Variants in EML1 observed in about 807,000 individuals in gnomAD.
EML1 encodes the protein EMAP like 1, also known as echinoderm microtubule-associated protein-like 1.
Under a neutral mutation model 110.4 loss-of-function variants are expected in EML1, and 27 were observed. That is an observed-to-expected ratio of 0.24 (90% CI 0.18 to 0.34). The LOEUF (loss-of-function observed/expected upper bound fraction) is 0.34, where lower values mean the gene tolerates loss of function less well. Among genes scored for constraint, EML1 ranks in the 10% least tolerant of loss-of-function variants. EML1 has a pLI of 1.00. For missense variants in EML1, 741 were observed against 1,030.9 expected, an observed-to-expected ratio of 0.72 and a Z score of 3.85; for synonymous variants, 344 against 385.8, an observed-to-expected ratio of 0.89 and a Z score of 1.27.
rs560700900 is a variant in EML1 at position 99,848,718 on chromosome 14, C to T, written c.68-2135C>T. Among the ~76,000 whole-genome samples, 13 of 152,284 alleles carry T rather than the reference C, an allele frequency of 8.5e-5. No individual in the cohort carries two copies. In the East Asian group the frequency reaches 1.7e-3, roughly 20 times the overall value. On this transcript the variant is annotated intron_variant, in intron 1 of 21. Transcript: ENST00000262233. ...CAGTGGCTAACACCTGTAATCCCAG[C>T]ACTTTGGGAGGGTGAAGCAGGATCA...
intron 1 of EML1, among the ~76,000 whole-genome samples, chr14:99,761,134 C>T (rs941679403): frequency 2.0e-5 from 3 of 152,120 alleles, no homozygotes; most frequent in African/African-American, 4.8e-5. Context: ...CCCACCTTAC[C>T]GATGAGAAAA....
intron 1 of EML1, among the ~76,000 whole-genome samples, chr14:99,837,114 C>G (rs1021367496): frequency 6.6e-6 from 1 of 151,390 alleles, no homozygotes; most frequent in Non-Finnish European, 1.5e-5. Context: ...TTCCAGATCT[C>G]TGAAGTTTTT....
chr14:99,845,524 T>C (rs554596541), intron 1 of EML1, among the ~76,000 whole-genome samples: 49 of 152,352 alleles, frequency 3.2e-4, no homozygotes, highest in African/African-American at 1.1e-3. Context: ...TATTTAGTTC[T>C]AGGAGAGGAG....
intron 1 of EML1, among the ~76,000 whole-genome samples, chr14:99,818,461 A>G (rs76665415): frequency 0.041 from 6,312 of 152,270 alleles, 169 homozygotes; most frequent in Non-Finnish European, 0.056. Context: ...GGCAAAAAAT[A>G]TGGAATCAGT....
At chr14:99,737,996 G>T (rs1034907761) in intron 1 of EML1, 15 of 927,924 alleles carry the variant, frequency 1.6e-5, no homozygotes, top group East Asian at 1.3e-4. Context: ...CCGACGCCTG[G>T]GGGGCCTGTG....
intron 1 of EML1, among the ~76,000 whole-genome samples, chr14:99,823,937 A>G (rs1480858504): frequency 6.6e-6 from 1 of 151,992 alleles, no homozygotes; most frequent in Admixed American, 6.6e-5. Context: ...GGCCCCAAGG[A>G]CTTTCCCATG....
At chr14:99,751,922 A>G (rs772219622) in intron 1 of EML1, among the ~76,000 whole-genome samples, 16 of 152,150 alleles carry the variant, frequency 1.1e-4, no homozygotes, top group Non-Finnish European at 1.9e-4. Context: ...CAGAGGAGTG[A>G]CAGGACCTCA....
intron 1 of EML1, among the ~76,000 whole-genome samples, chr14:99,810,514 A>G (rs2058057005): frequency 6.6e-6 from 1 of 152,230 alleles, no homozygotes; most frequent in Non-Finnish European, 1.5e-5. Flanking sequence ...GCTTCTCCAC[A>G]TCTGCAGATT....
chr14:99,815,805 C>T (rs943856389), intron 1 of EML1, among the ~76,000 whole-genome samples: 4 of 152,048 alleles, frequency 2.6e-5, no homozygotes, highest in Non-Finnish European at 4.4e-5. Context: ...AGGTAAATTG[C>T]GTCGGTGACA....
At chr14:99,893,675 G>C (rs531352938) in intron 5 of EML1, among the ~76,000 whole-genome samples, 1 of 152,110 alleles carries the variant, frequency 6.6e-6, no homozygotes. Context: ...TCCTCCCTGC[G>C]GATGCTTTTT....
intron 3 of EML1, among the ~76,000 whole-genome samples, chr14:99,876,396 C>T (rs1388177179): frequency 6.6e-6 from 1 of 152,196 alleles, no homozygotes; most frequent in Non-Finnish European, 1.5e-5. Flanking sequence ...CCCCACTTCC[C>T]AGGGCTCACC....
intron 1 of EML1, among the ~76,000 whole-genome samples, chr14:99,846,264 T>A (rs2058705928): frequency 6.6e-6 from 1 of 151,140 alleles, no homozygotes; most frequent in Non-Finnish European, 1.5e-5. Context: ...ATGCCATTCT[T>A]ATTTTTCCAG....
chr14:99,793,374 G>A, upstream of EML1: 21 of 993,132 alleles, frequency 2.1e-5, no homozygotes, highest in Non-Finnish European at 2.5e-5. Flanking sequence ...CAGCAGGGCC[G>A]GCCCCAGCGC....
In EML1 at chr14:99,869,164, C is replaced by A. The variant is rs1455988023; in HGVS notation, c.383+3518C>A. ...CTGGCTTTATTGTGCTTTAGAGATA[C>A]CACATTTTTTTTACAAATTGGTGGT... is the stretch of plus-strand genomic sequence containing the variant. On this transcript the variant is annotated intron_variant, in intron 3 of 21. Coordinates refer to ENST00000262233, the MANE Select transcript of EML1 (RefSeq NM_004434.3). 2.0e-5 allele frequency among the ~76,000 whole-genome samples: 3 copies of A among 152,132 alleles called. No homozygotes were observed. In the East Asian group the frequency reaches 5.8e-4, roughly 29 times the overall value.
chr14:99,836,128 G>C (rs1349088191), intron 1 of EML1, among the ~76,000 whole-genome samples: 1 of 152,130 alleles, frequency 6.6e-6, no homozygotes, highest in Non-Finnish European at 1.5e-5. Flanking sequence ...GAGAAGAATT[G>C]GCATCATAAC....
chr14:99,757,868 G>A (rs75054975), intron 1 of EML1, among the ~76,000 whole-genome samples: 144 of 152,322 alleles, frequency 9.5e-4, no homozygotes, highest in Non-Finnish European at 1.3e-3. Context: ...CAATGCACGA[G>A]GCAGCTCTTT....
At chr14:99,759,840 A>G (rs558320746) in intron 1 of EML1, among the ~76,000 whole-genome samples, 114 of 152,224 alleles carry the variant, frequency 7.5e-4, no homozygotes, top group Admixed American at 2.6e-3. Context: ...TAGGCCTGGC[A>G]TGGTGGCTCA....
chr14:99,887,890 CAGA>C (rs2139973685), intron 4 of EML1, among the ~76,000 whole-genome samples: 1 of 152,260 alleles, frequency 6.6e-6, no homozygotes, highest in African/African-American at 2.4e-5. Flanking sequence ...ATCAGTTGTT[CAGA>C]AGATTTGTCA....
At chr14:99,914,850 T>A in intron 15 of EML1, 153 bp downstream of exon 15, 2 of 992,836 alleles carry the variant, frequency 2.0e-6, no homozygotes, top group Non-Finnish European at 2.9e-6. Flanking sequence ...CAATTGCATT[T>A]AACAGTGTTA....
Sources: allele counts gnomAD v4.1 joint callset (sites outside exome capture counted in the v4.1 genomes callset), GRCh38; gene constraint gnomAD v4.1.1; transcripts MANE v1.5; gene names NCBI Gene and HGNC (gene_info 2026-07-23, HGNC 2026-07-21).